The following MEI1 variants were observed in gnomAD, a reference collection of about 807,000 sequenced individuals.
The protein encoded by MEI1 is meiosis inhibitor protein 1.
In MEI1, 103 loss-of-function variants were observed where a neutral mutation model predicts 146.2. The observed-to-expected ratio is 0.70, with a 90% CI of 0.60 to 0.83. The LOEUF (loss-of-function observed/expected upper bound fraction) is 0.83, where lower values mean the gene tolerates loss of function less well. Ranked by LOEUF, MEI1 falls within the 40% of genes least tolerant of loss-of-function variation. The pLI, the probability that MEI1 is intolerant of heterozygous loss-of-function variation, is 0.00. For synonymous variants in MEI1, 652 were observed against 628.2 expected (o/e 1.04, Z -0.57); for missense variants, 1,529 against 1,533.0 (o/e 1.00, Z 0.04).
chr22:41,732,453 A>G lies in MEI1; in HGVS notation c.1197-16A>G. ...AGAAGAGTTCACCTACTCGTTTCTC[A>G]TCTTCCATTTCTCAGGCAGCCAGAG... On this transcript the variant is annotated splice_polypyrimidine_tract_variant and intron_variant, in intron 10 of 30. Transcript: ENST00000401548. 1 of 1,613,762 alleles carries G rather than the reference A, an allele frequency of 6.2e-7. No individual in the cohort carries two copies. Among genetic ancestry groups the G allele is most frequent in the Non-Finnish European group, 8.5e-7 (1 of 1,179,782 alleles).
intron 11 of MEI1, among the ~76,000 whole-genome samples, chr22:41,741,672 A>G (rs1188663770): frequency 3.9e-5 from 6 of 152,238 alleles, no homozygotes; most frequent in Non-Finnish European, 5.9e-5. Flanking sequence ...ATAGACTTTG[A>G]CTCAGAAAAT....
rs149277944 is a variant in MEI1, at chr22:41,743,264, A to G, written c.1446+70A>G. The G allele has an allele frequency of 3.3e-4, 361 of 1,091,022 alleles. 1 individual carries two copies. In the African/African-American group the frequency reaches 5.2e-3, roughly 16 times the overall value. 67.6% of individuals were successfully genotyped at this position (1,091,022 alleles called of 1,614,324 possible). A position where few individuals can be genotyped will look rare whatever the true frequency, so the allele number is the denominator to read the frequency against. Reference sequence around the variant, plus strand: ...GTGTTTTTAGAAAGATAATTAGTATATTCCCTTACTTTTGTATGCTATTTC... The same window carrying G: ...GTGTTTTTAGAAAGATAATTAGTATGTTCCCTTACTTTTGTATGCTATTTC... On this transcript the variant is annotated intron_variant, in intron 12 of 30. Transcript: ENST00000401548.
At chr22:41,705,260 C>T (rs1433638284) in intron 2 of MEI1, among the ~76,000 whole-genome samples, 1 of 150,996 alleles carries the variant, frequency 6.6e-6, no homozygotes, top group Non-Finnish European at 1.5e-5. Context: ...TAATCTCTGC[C>T]TCCTGGGTTC....
intron 11 of MEI1, among the ~76,000 whole-genome samples, chr22:41,737,295 GGCGCGATC>G (rs1217680544): frequency 6.8e-6 from 1 of 147,524 alleles, no homozygotes; most frequent in Non-Finnish European, 1.5e-5. Context: ...GGAGTGCAGT[GGCGCGATC>G]TCGGCTCACT....
In MEI1 at chr22:41,718,123, A is replaced by G. The variant is rs776703011; in HGVS notation, c.582A>G (p.Ile194Met). Reference sequence around the variant, plus strand: ...GCTTAGTATACCCCAGTGAGGGCATACAAGCTTCTGTCTGTTACCTTTATG... The same window carrying G: ...GCTTAGTATACCCCAGTGAGGGCATGCAAGCTTCTGTCTGTTACCTTTATG... ...LRGLVYPSEG[I>M]QASVCYLYGK... The change falls in exon 6 of 31, where the codon ATA becomes ATG. Residue 194 changes from isoleucine to methionine, a missense_variant. By Grantham distance (10) the Ile-to-Met change is conservative. Transcript: ENST00000401548. The G allele has an allele frequency of 1.9e-6, 3 of 1,613,662 alleles. No individual in the cohort carries two copies. In the Admixed American group the frequency reaches 5.0e-5, roughly 27 times the overall value.
chr22:41,772,639 C>T (rs1279087612), intron 20 of MEI1, among the ~76,000 whole-genome samples: 2 of 152,156 alleles, frequency 1.3e-5, no homozygotes, highest in Non-Finnish European at 2.9e-5. Context: ...TTTTTAAATA[C>T]ATGAAACATA....
intron 1 of MEI1, among the ~76,000 whole-genome samples, chr22:41,699,982 A>C (rs566518984): frequency 2.0e-5 from 3 of 152,036 alleles, no homozygotes; most frequent in Admixed American, 2.0e-4. Flanking sequence ...CCGGGACCTC[A>C]CCCAGTCTCA....
intron 3 of MEI1, among the ~76,000 whole-genome samples, chr22:41,710,215 T>C (rs868013920): frequency 3.3e-5 from 5 of 152,290 alleles, no homozygotes; most frequent in Middle Eastern, 6.8e-3. Flanking sequence ...GGTAGCCGTC[T>C]GCAAGCCAGG....
intron 3 of MEI1, among the ~76,000 whole-genome samples, chr22:41,707,819 A>G (rs1392041021): frequency 6.6e-6 from 1 of 152,194 alleles, no homozygotes; most frequent in African/African-American, 2.4e-5. Flanking sequence ...GAGCTTAATG[A>G]GGTTCAGCTA....
At chr22:41,752,722 T>C in intron 16 of MEI1, 71 bp downstream of exon 16, 1 of 1,360,874 alleles carries the variant, frequency 7.3e-7, no homozygotes, top group South Asian at 1.2e-5. Context: ...AAGTGGGAAT[T>C]GTTGGCTGGT....
At chr22:41,731,135 C>T (rs5996055) in intron 9 of MEI1, among the ~76,000 whole-genome samples, 26,397 of 150,414 alleles carry the variant, frequency 0.18, 7,219 homozygotes, top group African/African-American at 0.59. Context: ...CTCACTGCCA[C>T]CTCTGCCTCC....
At chr22:41,717,103 A>G (rs1481340416) in intron 5 of MEI1, among the ~76,000 whole-genome samples, 1 of 152,136 alleles carries the variant, frequency 6.6e-6, no homozygotes, top group Non-Finnish European at 1.5e-5. Context: ...ATGCAAATAA[A>G]TATCTCCCAG....
chr22:41,752,484 G>A, intron 15 of MEI1, 107 bp from the exon 16 acceptor site: 1 of 1,015,642 alleles, frequency 9.8e-7, no homozygotes, highest in Non-Finnish European at 1.5e-6. Flanking sequence ...TTTGAACCAA[G>A]TCTGTGTAAC....
At chr22:41,757,260 A>AT (rs899785191) in intron 17 of MEI1, among the ~76,000 whole-genome samples, 5 of 151,694 alleles carry the variant, frequency 3.3e-5, no homozygotes, top group African/African-American at 1.2e-4. Flanking sequence ...TCGCCTGGCT[A>AT]TTTTTTTGTA....
intron 18 of MEI1, chr22:41,759,260 G>C (rs532376680): frequency 6.6e-6 from 1 of 151,942 alleles, no homozygotes; most frequent in Non-Finnish European, 1.5e-5. Context: ...TTGGGAGGCC[G>C]AGGCGGGTGG....
intron 6 of MEI1, among the ~76,000 whole-genome samples, chr22:41,721,544 C>T (rs1412362046): frequency 1.6e-5 from 2 of 123,440 alleles, no homozygotes; most frequent in African/African-American, 3.4e-5. Flanking sequence ...GTGCCCAGCC[C>T]GTGCCTGGCT....
intron 3 of MEI1, among the ~76,000 whole-genome samples, chr22:41,709,911 G>A (rs972941227): frequency 6.6e-6 from 1 of 152,058 alleles, no homozygotes; most frequent in Non-Finnish European, 1.5e-5. Flanking sequence ...TAGGAACTAA[G>A]ATCTTTAGCA....
intron 18 of MEI1, among the ~76,000 whole-genome samples, chr22:41,759,653 A>T (rs1601975045): frequency 6.7e-6 from 1 of 149,696 alleles, no homozygotes; most frequent in East Asian, 2.0e-4. Flanking sequence ...ATAAATAAAT[A>T]AATAAATAAA....
chr22:41,726,213 G>C (rs1269726844), intron 7 of MEI1, among the ~76,000 whole-genome samples: 1 of 151,908 alleles, frequency 6.6e-6, no homozygotes, highest in East Asian at 1.9e-4. Flanking sequence ...AGTTTGTCCT[G>C]AGACTACAGC....
Sources: allele counts gnomAD v4.1 joint callset (sites outside exome capture counted in the v4.1 genomes callset), GRCh38; gene constraint gnomAD v4.1.1; transcripts MANE v1.5; gene names NCBI Gene and HGNC (gene_info 2026-07-23, HGNC 2026-07-21).